The following BRINP3 variants were observed in gnomAD, a reference collection of about 807,000 sequenced individuals.
BRINP3 encodes the protein BMP/retinoic acid inducible neural specific 3, also known as BMP/retinoic acid-inducible neural-specific protein 3.
In BRINP3, 19 loss-of-function variants were observed where a neutral mutation model predicts 71.0. The observed-to-expected ratio is 0.27, with a 90% CI of 0.19 to 0.39. The LOEUF is 0.39. Ranked by LOEUF, BRINP3 falls within the 10% of genes least tolerant of loss-of-function variation. The probability of loss-of-function intolerance (pLI) is 1.00; values close to 1 mark genes in which losing one functional copy is unlikely to be tolerated. For missense variants in BRINP3, 959 were observed against 940.8 expected (o/e 1.02, Z -0.25); for synonymous variants, 380 against 337.7 (o/e 1.13, Z -1.37).
At chr1:190,221,137 G>A (rs1656852663) in intron 6 of BRINP3, among the ~76,000 whole-genome samples, 1 of 152,122 alleles carries the variant, frequency 6.6e-6, no homozygotes, top group Non-Finnish European at 1.5e-5. Flanking sequence ...AGAATCGCTT[G>A]AACCCGGGAG....
chr1:190,317,800 T>C (rs1665985544), intron 2 of BRINP3, among the ~76,000 whole-genome samples: 1 of 152,154 alleles, frequency 6.6e-6, no homozygotes. Context: ...CTTTATCTCC[T>C]TCTTGGTAAA....
intron 2 of BRINP3, among the ~76,000 whole-genome samples, chr1:190,384,533 C>T (rs1194053910): frequency 2.0e-5 from 3 of 151,692 alleles, no homozygotes; most frequent in South Asian, 4.1e-4. Flanking sequence ...ATTTTACGTT[C>T]AGGAGCTTAG....
At chr1:190,332,661 T>C (rs1380599677) in intron 2 of BRINP3, among the ~76,000 whole-genome samples, 1 of 152,008 alleles carries the variant, frequency 6.6e-6, no homozygotes, top group African/African-American at 2.4e-5. Context: ...TTTTTGGCAA[T>C]ACCTGACTGA....
intron 3 of BRINP3, among the ~76,000 whole-genome samples, chr1:190,267,743 A>G (rs1329867248): frequency 1.3e-5 from 2 of 152,086 alleles, no homozygotes; most frequent in African/African-American, 2.4e-5. Flanking sequence ...AACAGAGAAT[A>G]GAGCATTTAC....
chr1:190,327,085 G>T (rs1320526825), intron 2 of BRINP3, among the ~76,000 whole-genome samples: 1 of 151,270 alleles, frequency 6.6e-6, no homozygotes, highest in African/African-American at 2.4e-5. Flanking sequence ...GGAGGCCAAG[G>T]CGGGTGGATC....
At chr1:190,209,624 C>T (rs150545422) in intron 6 of BRINP3, among the ~76,000 whole-genome samples, 4 of 152,174 alleles carry the variant, frequency 2.6e-5, no homozygotes, top group African/African-American at 9.6e-5. Flanking sequence ...TTTCATTTGA[C>T]GTTCATAAAA....
At chr1:190,297,366 A>C (rs1664330394) in intron 2 of BRINP3, among the ~76,000 whole-genome samples, 1 of 152,104 alleles carries the variant, frequency 6.6e-6, no homozygotes. Flanking sequence ...ATACACAAAA[A>C]AAAAACTCAA....
chr1:190,443,036 C>T (rs985244901), intron 2 of BRINP3, among the ~76,000 whole-genome samples: 12 of 151,446 alleles, frequency 7.9e-5, no homozygotes, highest in African/African-American at 2.9e-4. Context: ...CCTCGGCCTC[C>T]CAAGTAGCTG....
intron 7 of BRINP3, among the ~76,000 whole-genome samples, chr1:190,154,741 C>T (rs975333144): frequency 6.6e-6 from 1 of 152,154 alleles, no homozygotes; most frequent in African/African-American, 2.4e-5. Flanking sequence ...AGGACTTATG[C>T]TGCAGATAGC....
chr1:190,345,524 A>T (rs1667959296), intron 2 of BRINP3, among the ~76,000 whole-genome samples: 1 of 151,558 alleles, frequency 6.6e-6, no homozygotes, highest in Non-Finnish European at 1.5e-5. Flanking sequence ...TATCTATTTC[A>T]TCATATTGTT....
chr1:190,442,741 G>T (rs1674913957), intron 2 of BRINP3, among the ~76,000 whole-genome samples: 1 of 151,472 alleles, frequency 6.6e-6, no homozygotes, highest in East Asian at 1.9e-4. Flanking sequence ...CTGTGCGTGT[G>T]TGTGTGTATT....
At chr1:190,328,691 C>G (rs1666766221) in intron 2 of BRINP3, among the ~76,000 whole-genome samples, 1 of 149,034 alleles carries the variant, frequency 6.7e-6, no homozygotes, top group South Asian at 2.1e-4. Flanking sequence ...CAGCATTACC[C>G]TGATATAAAA....
chr1:190,256,554 G>A (rs147899492), intron 4 of BRINP3, among the ~76,000 whole-genome samples: 15 of 152,148 alleles, frequency 9.9e-5, no homozygotes, highest in East Asian at 5.8e-4. Context: ...TATTTTGCCC[G>A]TTAGTTGATG....
At position 190,421,289 on chromosome 1, in the gene BRINP3, C is replaced by CTTATTA. The variant is rs1434057029; in HGVS notation, c.236+33365_236+33366insTAATAA. 5.2e-5 allele frequency among the ~76,000 whole-genome samples: 6 copies of CTTATTA among 116,064 alleles called. No homozygotes were observed. In the East Asian group the frequency reaches 8.2e-4, roughly 16 times the overall value. The allele number at this position is 116,064 out of a possible 152,430, so 76.1% of individuals were successfully genotyped here. On this transcript the variant is annotated intron_variant, in intron 2 of 7. Coordinates refer to ENST00000367462, the MANE Select transcript of BRINP3 (RefSeq NM_199051.3). Reference sequence around the variant, plus strand: ...TAGTGAAGGACATTTGAACAAGATTCTCATTATTATTATTATTATTATTAT... The same window carrying CTTATTA: ...TAGTGAAGGACATTTGAACAAGATTCTTATTATCATTATTATTATTATTATTATTAT...
chr1:190,397,235 T>C (rs1321657458), intron 2 of BRINP3, among the ~76,000 whole-genome samples: 1 of 152,002 alleles, frequency 6.6e-6, no homozygotes, highest in Non-Finnish European at 1.5e-5. Flanking sequence ...TTGCAAGCCA[T>C]GAAGAATCAA....
chr1:190,203,251 C>T (rs1655165015), intron 6 of BRINP3, among the ~76,000 whole-genome samples: 1 of 151,792 alleles, frequency 6.6e-6, no homozygotes, highest in East Asian at 1.9e-4. Flanking sequence ...ACTTTAAAGG[C>T]TTTATAATTC....
At chr1:190,433,251 C>G (rs1674222625) in intron 2 of BRINP3, among the ~76,000 whole-genome samples, 1 of 152,134 alleles carries the variant, frequency 6.6e-6, no homozygotes, top group South Asian at 2.1e-4. Flanking sequence ...TGTCAAGGAA[C>G]CTTTTAAGAA....
intron 6 of BRINP3, among the ~76,000 whole-genome samples, chr1:190,190,676 G>T (rs944491538): frequency 6.6e-6 from 1 of 151,780 alleles, no homozygotes; most frequent in Non-Finnish European, 1.5e-5. Context: ...GGAAAATAAA[G>T]TAAATTATAA....
At chr1:190,174,608 A>G (rs988973627) in intron 6 of BRINP3, among the ~76,000 whole-genome samples, 1 of 152,126 alleles carries the variant, frequency 6.6e-6, no homozygotes, top group African/African-American at 2.4e-5. Context: ...GTAGTTTTAT[A>G]TATAATAGCA....
Sources: gnomAD v4.1 joint callset for allele counts (sites outside exome capture counted in the v4.1 genomes callset) on GRCh38, gnomAD v4.1.1 for gene constraint, MANE v1.5 for transcripts, NCBI Gene and HGNC (gene_info 2026-07-23, HGNC 2026-07-21) for gene names.